The following DGKI variants were observed in gnomAD, a reference collection of about 807,000 sequenced individuals.
The protein encoded by DGKI is diacylglycerol kinase iota.
In DGKI, 55 loss-of-function variants were observed where a neutral mutation model predicts 147.5. The ratio of observed to expected loss-of-function variants is 0.37; its 90% CI spans 0.30 to 0.47. The LOEUF (loss-of-function observed/expected upper bound fraction) is 0.47, where lower values mean the gene tolerates loss of function less well. Among genes scored for constraint, DGKI ranks in the 20% least tolerant of loss-of-function variants. The pLI is 1.00. For missense variants in DGKI, 1,007 were observed against 1,323.8 expected (o/e 0.76, Z 3.71); for synonymous variants, 469 against 477.1 (o/e 0.98, Z 0.22).
At chr7:137,615,531 ATG>A (rs5887846) in intron 8 of DGKI, among the ~76,000 whole-genome samples, 35,952 of 135,254 alleles carry the variant, frequency 0.27, 5,606 homozygotes, top group East Asian at 0.72. Context: ...ATATGTATGT[ATG>A]TGTGTGTGTG....
intron 14 of DGKI, among the ~76,000 whole-genome samples, chr7:137,582,819 A>T (rs1034125598): frequency 6.6e-6 from 1 of 152,122 alleles, no homozygotes; most frequent in African/African-American, 2.4e-5. Flanking sequence ...GGAAAATGTG[A>T]GAGTGGGAAT....
At chr7:137,713,271 TGG>T (rs1423723956) in intron 1 of DGKI, among the ~76,000 whole-genome samples, 7 of 152,208 alleles carry the variant, frequency 4.6e-5, no homozygotes, top group Non-Finnish European at 7.3e-5. Context: ...GGCTCCAGCT[TGG>T]AATTAATTTA....
At chr7:137,605,916 T>G (rs1820170017) in intron 10 of DGKI, among the ~76,000 whole-genome samples, 1 of 152,176 alleles carries the variant, frequency 6.6e-6, no homozygotes, top group Admixed American at 6.5e-5. Flanking sequence ...TGACTATACT[T>G]AACAACAGTA....
At chr7:137,690,592 T>C (rs1823569737) in intron 1 of DGKI, among the ~76,000 whole-genome samples, 2 of 152,184 alleles carry the variant, frequency 1.3e-5, no homozygotes, top group African/African-American at 4.8e-5. Context: ...AAATTGCACA[T>C]TCAATAACTT....
intron 1 of DGKI, among the ~76,000 whole-genome samples, chr7:137,810,599 C>T (rs7789508): frequency 0.55 from 82,902 of 152,008 alleles, 23,924 homozygotes; most frequent in African/African-American, 0.71. Context: ...TGTAGGAACA[C>T]AAGACATATC....
At chr7:137,769,797 G>A (rs147637627) in intron 1 of DGKI, among the ~76,000 whole-genome samples, 244 of 152,254 alleles carry the variant, frequency 1.6e-3, no homozygotes, top group African/African-American at 4.3e-3. Context: ...CAGTCAGAAC[G>A]GCAATTGTTA....
chr7:137,776,050 G>T (rs1057057821), intron 1 of DGKI, among the ~76,000 whole-genome samples: 3 of 152,072 alleles, frequency 2.0e-5, no homozygotes, highest in Admixed American at 1.3e-4. Flanking sequence ...TAGGGATGGG[G>T]TTTCTCCATG....
chr7:137,505,907 T>C (rs1056711257), intron 21 of DGKI, among the ~76,000 whole-genome samples: 9 of 151,936 alleles, frequency 5.9e-5, no homozygotes, highest in African/African-American at 2.2e-4. Flanking sequence ...ACAACAAAGA[T>C]ACCACTACAC....
intron 2 of DGKI, among the ~76,000 whole-genome samples, chr7:137,680,438 C>T (rs1339414109): frequency 6.6e-6 from 1 of 152,190 alleles, no homozygotes; most frequent in Non-Finnish European, 1.5e-5. Context: ...CAGCAGTGTC[C>T]ACACGATAGC....
At chr7:137,794,837 G>T (rs911730410) in intron 1 of DGKI, among the ~76,000 whole-genome samples, 4 of 152,204 alleles carry the variant, frequency 2.6e-5, no homozygotes, top group African/African-American at 9.6e-5. Context: ...ATATTTAGTG[G>T]TGGTTATTGT....
At chr7:137,725,656 A>ATT (rs1034733665) in intron 1 of DGKI, among the ~76,000 whole-genome samples, 1 of 152,082 alleles carries the variant, frequency 6.6e-6, no homozygotes, top group African/African-American at 2.4e-5. Flanking sequence ...AATAGATTTA[A>ATT]TTAACCTTAG....
At chr7:137,596,273 T>A (rs1563103659) in intron 12 of DGKI, among the ~76,000 whole-genome samples, 1 of 152,002 alleles carries the variant, frequency 6.6e-6, no homozygotes, top group Non-Finnish European at 1.5e-5. Flanking sequence ...AAGATGTGAG[T>A]GAGATGCTGA....
chr7:137,747,093 T>TA (rs1312234386), intron 1 of DGKI, among the ~76,000 whole-genome samples: 1 of 152,092 alleles, frequency 6.6e-6, no homozygotes, highest in Non-Finnish European at 1.5e-5. Context: ...TAGGTTTTTT[T>TA]AAAAAAAGTG....
At chr7:137,523,559 G>C (rs968409604) in intron 20 of DGKI, among the ~76,000 whole-genome samples, 1 of 151,978 alleles carries the variant, frequency 6.6e-6, no homozygotes, top group Non-Finnish European at 1.5e-5. Context: ...AATGTCTGAG[G>C]TTCACTGGCT....
At chr7:137,455,643 G>GT (rs1357556984) in intron 27 of DGKI, among the ~76,000 whole-genome samples, 2 of 121,596 alleles carry the variant, frequency 1.6e-5, no homozygotes, top group Admixed American at 9.1e-5. Flanking sequence ...AAAAAAAGGG[G>GT]GGGGGGCGGG....
chr7:137,658,376 T>C (rs1196493774), intron 3 of DGKI, among the ~76,000 whole-genome samples: 1 of 152,156 alleles, frequency 6.6e-6, no homozygotes, highest in Non-Finnish European at 1.5e-5. Context: ...GGAAAATGCA[T>C]GGGGCATTTG....
intron 2 of DGKI, among the ~76,000 whole-genome samples, chr7:137,682,580 T>G (rs1012599997): frequency 6.6e-6 from 1 of 152,248 alleles, no homozygotes; most frequent in African/African-American, 2.4e-5. Context: ...AATCCACAGA[T>G]GTTAGCATTA....
chr7:137,726,589 A>T (rs1585415118), intron 1 of DGKI, among the ~76,000 whole-genome samples: 2 of 152,364 alleles, frequency 1.3e-5, no homozygotes, highest in South Asian at 4.1e-4. Context: ...TAAATCACAC[A>T]TTCTATGATC....
At chr7:137,821,285 G>A (rs983966896) in intron 1 of DGKI, among the ~76,000 whole-genome samples, 2 of 152,054 alleles carry the variant, frequency 1.3e-5, no homozygotes, top group Admixed American at 6.5e-5. Context: ...ATGATGAGCT[G>A]AATGAATGCG....
Sources: allele counts gnomAD v4.1 joint callset (sites outside exome capture counted in the v4.1 genomes callset), GRCh38; gene constraint gnomAD v4.1.1; transcripts MANE v1.5; gene names NCBI Gene and HGNC (gene_info 2026-07-23, HGNC 2026-07-21).